CNOT2: variants seen among roughly 807,000 people sequenced by gnomAD.
CNOT2 encodes CC chemokine receptor 4-negative regulator of transcription 2.
Under a neutral mutation model 72.1 loss-of-function variants are expected in CNOT2, and 7 were observed. That is an observed-to-expected ratio of 0.10 (90% CI 0.06 to 0.18). The LOEUF (loss-of-function observed/expected upper bound fraction) is 0.18, where lower values mean the gene tolerates loss of function less well. CNOT2 is among the 10% of genes least tolerant of loss of function. The probability of loss-of-function intolerance (pLI) is 1.00; values close to 1 mark genes in which losing one functional copy is unlikely to be tolerated. For synonymous variants in CNOT2, 196 were observed against 225.6 expected, an observed-to-expected ratio of 0.87 and a Z score of 1.17; for missense variants, 345 against 660.3, an observed-to-expected ratio of 0.52 and a Z score of 5.23.
chr12:70,351,602 G>A (rs1016217381), intron 15 of CNOT2, among the ~76,000 whole-genome samples: 1 of 152,082 alleles, frequency 6.6e-6, no homozygotes. Context: ...AGTTAATCTA[G>A]TTTGAATTCC....
chr12:70,341,424 G>T (rs897282463), intron 11 of CNOT2, among the ~76,000 whole-genome samples: 1 of 152,084 alleles, frequency 6.6e-6, no homozygotes, highest in Admixed American at 6.6e-5. Flanking sequence ...CAAATCTTCA[G>T]ATCTGACCAC....
At chr12:70,284,733 T>C (rs1209061527) in intron 2 of CNOT2, among the ~76,000 whole-genome samples, 1 of 152,198 alleles carries the variant, frequency 6.6e-6, no homozygotes, top group African/African-American at 2.4e-5. Context: ...GAATGCATTA[T>C]ACGTTCTGAT....
chr12:70,277,822 TG>T (rs1429490748), intron 1 of CNOT2, among the ~76,000 whole-genome samples: 3 of 152,084 alleles, frequency 2.0e-5, no homozygotes, highest in Admixed American at 6.6e-5. Flanking sequence ...ATGTCAGTTG[TG>T]GGAGGGGTAA....
intron 11 of CNOT2, 41 bp from the exon 12 acceptor site, chr12:70,342,066 T>G (rs1234343722): frequency 1.6e-6 from 2 of 1,213,142 alleles, no homozygotes; most frequent in Admixed American, 1.7e-5. Flanking sequence ...AGAAATCTCT[T>G]TTTCTGGATT....
At chr12:70,339,313 T>G (rs1593272404) in intron 11 of CNOT2, among the ~76,000 whole-genome samples, 6 of 152,160 alleles carry the variant, frequency 3.9e-5, no homozygotes, top group Middle Eastern at 3.4e-3. Flanking sequence ...TCTAGTACTG[T>G]GATTCCTGTA....
intron 1 of CNOT2, among the ~76,000 whole-genome samples, chr12:70,251,286 T>C (rs891895696): frequency 6.6e-6 from 1 of 152,074 alleles, no homozygotes; most frequent in African/African-American, 2.4e-5. Flanking sequence ...GTTAATGAGT[T>C]GGCTTCAAGG....
At chr12:70,257,349 AC>A (rs1464629429) in intron 1 of CNOT2, among the ~76,000 whole-genome samples, 4 of 116,036 alleles carry the variant, frequency 3.4e-5, no homozygotes, top group Non-Finnish European at 5.4e-5. Flanking sequence ...TTCCCCAACT[AC>A]CCCCTTTTTT....
intron 3 of CNOT2, among the ~76,000 whole-genome samples, chr12:70,315,628 A>AG (rs1877200782): frequency 6.6e-6 from 1 of 152,158 alleles, no homozygotes; most frequent in South Asian, 2.1e-4. Flanking sequence ...GTGAAGGGTT[A>AG]GGGGAATAAC....
chr12:70,337,099 C>T, intron 8 of CNOT2: 1 of 193,730 alleles, frequency 5.2e-6, no homozygotes, highest in Non-Finnish European at 1.1e-5. Flanking sequence ...GCTTTTAAAC[C>T]AAAATTGTTA....
intron 1 of CNOT2, among the ~76,000 whole-genome samples, chr12:70,276,137 TC>T (rs1450588252): frequency 1.3e-5 from 2 of 151,952 alleles, no homozygotes; most frequent in Non-Finnish European, 2.9e-5. Context: ...AATCCATAAT[TC>T]TTCAAAGTGA....
At chr12:70,298,166 A>T (rs1469364728) in intron 2 of CNOT2, among the ~76,000 whole-genome samples, 1 of 152,224 alleles carries the variant, frequency 6.6e-6, no homozygotes, top group East Asian at 1.9e-4. Flanking sequence ...ACATGTCTAT[A>T]ATCAGTCATA....
At chr12:70,348,391 A>G (rs1882466890) in intron 15 of CNOT2, among the ~76,000 whole-genome samples, 1 of 152,184 alleles carries the variant, frequency 6.6e-6, no homozygotes, top group African/African-American at 2.4e-5. Context: ...TTGCATTTCT[A>G]ACAAGCTCCT....
chr12:70,324,174 A>G (rs769803091), intron 4 of CNOT2: 2 of 151,876 alleles, frequency 1.3e-5, no homozygotes, highest in Non-Finnish European at 2.9e-5. Context: ...TGTACATAGT[A>G]GAAACTACCA....
At chr12:70,331,282 G>A (rs983004661) in intron 6 of CNOT2, 8 of 151,726 alleles carry the variant, frequency 5.3e-5, no homozygotes, top group South Asian at 2.1e-4. Flanking sequence ...CACATTTACT[G>A]TTTAATCCTC....
At chr12:70,245,252 A>G (rs1250976768) in intron 1 of CNOT2, among the ~76,000 whole-genome samples, 1 of 152,162 alleles carries the variant, frequency 6.6e-6, no homozygotes, top group African/African-American at 2.4e-5. Flanking sequence ...AAAGAAAAAA[A>G]TACAAAATAC....
intron 1 of CNOT2, among the ~76,000 whole-genome samples, chr12:70,248,977 TTTAGGTAA>T (rs1958016020): frequency 6.6e-6 from 1 of 152,052 alleles, no homozygotes; most frequent in Non-Finnish European, 1.5e-5. Context: ...ATCCTGGCAA[TTTAGGTAA>T]CAGTGAGTAG....
chr12:70,252,523 A>G (rs1381539183), intron 1 of CNOT2, among the ~76,000 whole-genome samples: 2 of 152,182 alleles, frequency 1.3e-5, no homozygotes, highest in African/African-American at 2.4e-5. Flanking sequence ...ACAAAAGTTA[A>G]TGGTTCAACT....
chr12:70,244,592 C>G (rs74488966), intron 1 of CNOT2, among the ~76,000 whole-genome samples: 3,439 of 152,282 alleles, frequency 0.023, 82 homozygotes, highest in Admixed American at 0.047. Context: ...ACCTAAACAT[C>G]AACTTCCTTC....
At chr12:70,252,035 G>T (rs1958163638) in intron 1 of CNOT2, among the ~76,000 whole-genome samples, 1 of 152,124 alleles carries the variant, frequency 6.6e-6, no homozygotes, top group Admixed American at 6.5e-5. Context: ...ATATGTGTTT[G>T]TGTGTTTCTC....
Sources: allele counts gnomAD v4.1 joint callset (sites outside exome capture counted in the v4.1 genomes callset), GRCh38; gene constraint gnomAD v4.1.1; transcripts MANE v1.5; gene names NCBI Gene and HGNC (gene_info 2026-07-23, HGNC 2026-07-21).